The following LCP2 variants were observed in gnomAD, a reference collection of about 807,000 sequenced individuals.
The protein encoded by LCP2 is lymphocyte cytosolic protein 2.
Under a neutral mutation model 74.5 loss-of-function variants are expected in LCP2, and 29 were observed. The ratio of observed to expected loss-of-function variants is 0.39; its 90% CI spans 0.29 to 0.53. The LOEUF (loss-of-function observed/expected upper bound fraction) is 0.53, where lower values mean the gene tolerates loss of function less well. LCP2 is among the 20% of genes least tolerant of loss of function. The pLI, the probability that LCP2 is intolerant of heterozygous loss-of-function variation, is 0.72. For missense variants in LCP2, 604 were observed against 634.6 expected (o/e 0.95, Z 0.52); for synonymous variants, 228 against 229.5 (o/e 0.99, Z 0.06).
intron 18 of LCP2, 72 bp from the exon 19 acceptor site, chr5:170,252,583 A>T (rs961084524): frequency 6.8e-6 from 5 of 734,090 alleles, no homozygotes; most frequent in Non-Finnish European, 1.2e-5. Context: ...AAAGCCTCTG[A>T]GTAATCATTT....
At chr5:170,290,158 T>C (rs1762265373) in intron 2 of LCP2, among the ~76,000 whole-genome samples, 1 of 152,174 alleles carries the variant, frequency 6.6e-6, no homozygotes, top group Admixed American at 6.5e-5. Context: ...CAGTAAACTC[T>C]GGGTTATTTG....
chr5:170,274,149 TG>T, intron 6 of LCP2, 151 bp downstream of exon 6: 1 of 735,200 alleles, frequency 1.4e-6, no homozygotes, highest in Non-Finnish European at 2.3e-6. Flanking sequence ...ATTTCCTGTC[TG>T]GCCCTGTGCA....
At position 170,258,044 on chromosome 5, in the gene LCP2, A is replaced by G; in HGVS notation, c.1093T>C (p.Ser365Pro). 1 of 1,613,938 alleles carries G rather than the reference A, an allele frequency of 6.2e-7. No individual in the cohort carries two copies. Among genetic ancestry groups the G allele is most frequent in the Non-Finnish European group, 8.5e-7 (1 of 1,179,816 alleles). The part of the protein sequence containing the change: ...LPSSHMPGAF[S>P]ESNSSFPQSA... ...CATGACAGAGCTACAAACCTTTCTG[A>G]GAATGCTCCAGGCATGTGAGAGGAT... Residue 365 changes from serine (S) to proline (P), a missense_variant, in exon 16 of 21, where the codon TCA becomes CCA. Physicochemically the swap from Ser to Pro is moderately conservative, Grantham distance 74 (BLOSUM62 -1). Transcript: ENST00000046794.
chr5:170,296,497 G>A (rs577769430), intron 1 of LCP2, among the ~76,000 whole-genome samples: 2 of 152,260 alleles, frequency 1.3e-5, no homozygotes, highest in South Asian at 2.1e-4. Context: ...GGAAAAACAC[G>A]AAGCTGAATT....
chr5:170,278,879 A>G (rs1292703675), intron 3 of LCP2, among the ~76,000 whole-genome samples: 6 of 152,066 alleles, frequency 3.9e-5, no homozygotes, highest in African/African-American at 1.4e-4. Context: ...GTGGGCTCCC[A>G]GGGTCCTCCT....
chr5:170,256,230 GTGTGCACATGTATATATGTGTACA>G lies in LCP2; in HGVS notation c.1150+272_1150+295del, dbSNP rs1761548060. 6.6e-6 allele frequency among the ~76,000 whole-genome samples: 1 copy of G among 152,102 alleles called. No homozygotes were observed. Among genetic ancestry groups the G allele is most frequent in the Non-Finnish European group, 1.5e-5 (1 of 67,990 alleles). Reference sequence around the variant, plus strand: ...TGTATGTGTATATATGTGTATACCTGTGTGCACATGTATATATGTGTACATGTGTATGCATGTGTGTGTGTGCAT... The same window carrying G: ...TGTATGTGTATATATGTGTATACCTGTGTGTATGCATGTGTGTGTGTGCAT... On this transcript the variant is annotated intron_variant, in intron 17 of 20. Coordinates refer to ENST00000046794, the MANE Select transcript of LCP2 (RefSeq NM_005565.5). The surrounding 1 kb of genome is among the most constrained non-coding windows in gnomAD (Gnocchi z 4.5).
chr5:170,258,084 G>A lies in LCP2; in HGVS notation c.1053C>T (p.Pro351=). ...TFPSRSTKPS[P]MNPLPSSHMP... ...TGTGAGAGGATGGGAGAGGGTTCAT[G>A]GGACTTGGCTTAGTAGATCTTGAAG... The change falls in exon 16 of 21, where the codon CCC becomes CCT. Residue 351 remains proline, a synonymous_variant. Transcript: ENST00000046794. The A allele has an allele frequency of 6.2e-7, 1 of 1,613,910 alleles. No individual in the cohort carries two copies. Among genetic ancestry groups the A allele is most frequent in the Non-Finnish European group, 8.5e-7 (1 of 1,179,790 alleles).
At chr5:170,285,085 T>C (rs1366236193) in intron 3 of LCP2, among the ~76,000 whole-genome samples, 1 of 152,206 alleles carries the variant, frequency 6.6e-6, no homozygotes. Context: ...GTTTTAGTTT[T>C]TTTTCTCTGT....
chr5:170,291,760 G>A (rs922572465), intron 2 of LCP2, among the ~76,000 whole-genome samples: 14 of 152,208 alleles, frequency 9.2e-5, no homozygotes, highest in South Asian at 2.1e-4. Flanking sequence ...CCAGGCAACA[G>A]GGCGTCGTAG....
intron 10 of LCP2, among the ~76,000 whole-genome samples, chr5:170,265,703 G>A (rs980214271): frequency 6.6e-6 from 1 of 152,154 alleles, no homozygotes; most frequent in African/African-American, 2.4e-5. Flanking sequence ...AAAGAGCAGC[G>A]AGCAGCAGCC....
chr5:170,248,931 G>GC, intron 20 of LCP2, 112 bp from the exon 21 acceptor site: 1 of 1,069,734 alleles, frequency 9.3e-7, no homozygotes. Context: ...GATGAGGATT[G>GC]TGGGGGGAAA....
intron 10 of LCP2, 67 bp downstream of exon 10, chr5:170,266,741 C>A (rs964052007): frequency 1.5e-6 from 2 of 1,312,244 alleles, no homozygotes; most frequent in Admixed American, 3.4e-5. Flanking sequence ...ACATGTGAAA[C>A]GTATGCAGGA....
chr5:170,256,438 C>T lies in LCP2; in HGVS notation c.1150+88G>A, dbSNP rs747342446. ...CAGATGCTTTTAGGAAACAATAAAA[C>T]CTTTGTCGAAAGCTTTTGGGACAGG... is the stretch of plus-strand genomic sequence containing the variant. On this transcript the variant is annotated intron_variant, in intron 17 of 20. Coordinates refer to ENST00000046794, the MANE Select transcript of LCP2 (RefSeq NM_005565.5). The surrounding 1 kb of genome is among the most constrained non-coding windows in gnomAD (Gnocchi z 4.5). 3.8e-6 allele frequency: 4 copies of T among 1,052,552 alleles called. No homozygotes were observed. Among genetic ancestry groups the T allele is most frequent in the South Asian group, 1.3e-5 (1 of 77,912 alleles). The allele number at this position is 1,052,552 out of a possible 1,614,324, so 65.2% of individuals were successfully genotyped here.
At chr5:170,250,322 G>A (rs1048542391) in intron 20 of LCP2, among the ~76,000 whole-genome samples, 3 of 152,174 alleles carry the variant, frequency 2.0e-5, no homozygotes, top group Non-Finnish European at 4.4e-5. Context: ...AATGAGCCAA[G>A]TATTTGAATA....
chr5:170,278,447 TG>T (rs1281435934), intron 3 of LCP2, among the ~76,000 whole-genome samples: 1 of 17,730 alleles, frequency 5.6e-5, no homozygotes, highest in Non-Finnish European at 9.1e-5. Flanking sequence ...GGTGGGGGGC[TG>T]GGGGGATGGG....
chr5:170,287,891 C>A, intron 3 of LCP2, 79 bp downstream of exon 3: 1 of 1,324,632 alleles, frequency 7.5e-7, no homozygotes, highest in Non-Finnish European at 1.1e-6. Context: ...TGACATAGAA[C>A]TGACCCAGCC....
At chr5:170,296,222 T>C (rs1308004202) in intron 1 of LCP2, among the ~76,000 whole-genome samples, 3 of 152,228 alleles carry the variant, frequency 2.0e-5, no homozygotes, top group African/African-American at 7.2e-5. Context: ...AAAAAACCAG[T>C]TGCGCAACAA....
At position 170,270,774 on chromosome 5, in the gene LCP2, C is replaced by T; in HGVS notation, c.468G>A (p.Leu156=). The T allele has an allele frequency of 6.2e-7, 1 of 1,602,388 alleles. No homozygotes were observed. The highest frequency in any genetic ancestry group is 8.5e-7 in the Non-Finnish European group (1 of 1,174,614). ...GCTTGGCAGGCAGGATGGAGTTCTG[C>T]AGAGCTTCCTCGTCATTGGAGGGTG... ...EPPPSNDEEA[L]QNSILPAKPF... is the part of the protein sequence containing the mutation. Residue 156 remains leucine (L), a synonymous_variant, in exon 7 of 21, where the codon CTG becomes CTA. Transcript: ENST00000046794.
chr5:170,268,439 G>A lies in LCP2; in HGVS notation c.567C>T (p.Pro189=), dbSNP rs781129907. The change falls in exon 8 of 21, where the codon CCC becomes CCT. Residue 189 remains proline (P), a synonymous_variant. Coordinates refer to ENST00000046794, the MANE Select transcript of LCP2 (RefSeq NM_005565.5). ...SGKTPQQPPV[P]PQRPMAALPP... is the part of the protein sequence containing the mutation. ...GGAGGGCGGCCATCGGTCTCTGGGG[G>A]GGCACAGGAGGCTGCTGGGGGGTTT... 1 of 438,666 alleles carries A rather than the reference G, an allele frequency of 2.3e-6. No homozygotes were observed. 27.2% of individuals were successfully genotyped at this position (438,666 alleles called of 1,614,324 possible). A position where few individuals can be genotyped will look rare whatever the true frequency, so the allele number is the denominator to read the frequency against.
Sources: allele counts gnomAD v4.1 joint callset (sites outside exome capture counted in the v4.1 genomes callset), GRCh38; gene constraint gnomAD v4.1.1; non-coding constraint Gnocchi (gnomAD v3.1); transcripts MANE v1.5; gene names NCBI Gene and HGNC (gene_info 2026-07-23, HGNC 2026-07-21).